Variants in FAM131B observed in about 807,000 individuals in gnomAD.
FAM131B encodes the protein family with sequence similarity 131 member B.
In FAM131B, 19 loss-of-function variants were observed where a neutral mutation model predicts 42.0. The observed-to-expected ratio is 0.45, with a 90% CI of 0.32 to 0.66. The LOEUF is 0.66. FAM131B is among the 30% of genes least tolerant of loss of function. The pLI is 0.05. For missense variants in FAM131B, 370 were observed against 468.4 expected (o/e 0.79, Z 1.94); for synonymous variants, 183 against 177.6 (o/e 1.03, Z -0.24).
upstream of FAM131B, among the ~76,000 whole-genome samples, chr7:143,367,666 C>T (rs920356949): frequency 2.6e-5 from 4 of 152,036 alleles, no homozygotes. Flanking sequence ...TATCACGCCA[C>T]TATACTCTAG....
chr7:143,376,465 T>G, the FAM131B span, among the ~76,000 whole-genome samples: 1 of 152,218 alleles, frequency 6.6e-6, no homozygotes, highest in Admixed American at 6.5e-5. Context: ...GATGCTCTGA[T>G]GTCAGCTTCC....
At chr7:143,378,063 C>G in the FAM131B span, among the ~76,000 whole-genome samples, 2 of 152,200 alleles carry the variant, frequency 1.3e-5, no homozygotes, top group Admixed American at 6.5e-5. Context: ...AAACAATATT[C>G]TAAGCATTCT....
At chr7:143,381,379 C>T in the FAM131B span, 1 of 1,177,132 alleles carries the variant, frequency 8.5e-7, no homozygotes, top group Non-Finnish European at 1.1e-6. Flanking sequence ...AGGCGGCCAC[C>T]CGAGACGCGG....
At chr7:143,380,224 A>G in the FAM131B span, 1 of 964,796 alleles carries the variant, frequency 1.0e-6, no homozygotes. This position sits in a 1 kb window ranked among gnomAD's most constrained non-coding sequence, Gnocchi z 5.0. Flanking sequence ...GAAGTTTCCC[A>G]GTGCAATTAA....
Position 143,362,127 on chromosome 7 carries a change from T to A in FAM131B, c.28+449A>T. ...ATGGAGGCGGCGGCGGGGGGTGGCGTGGGGGGCGTGCGAAAGAAACTCGGG... is the reference window on the plus strand; with the variant it reads ...ATGGAGGCGGCGGCGGGGGGTGGCGAGGGGGGCGTGCGAAAGAAACTCGGG... On this transcript the variant is annotated intron_variant, in intron 1 of 6. Transcript: ENST00000443739. This position sits in a 1 kb window ranked among gnomAD's most constrained non-coding sequence, Gnocchi z 7.7. 1.5e-6 allele frequency: 1 copy of A among 674,266 alleles called. No individual in the cohort carries two copies. Among genetic ancestry groups the A allele is most frequent in the Non-Finnish European group, 1.8e-6 (1 of 550,566 alleles). 41.8% of individuals were successfully genotyped at this position (674,266 alleles called of 1,614,324 possible). A position where few individuals can be genotyped will look rare whatever the true frequency, so the allele number is the denominator to read the frequency against.
chr7:143,371,101 C>T, the FAM131B span, among the ~76,000 whole-genome samples: 1 of 152,120 alleles, frequency 6.6e-6, no homozygotes, highest in African/African-American at 2.4e-5. Flanking sequence ...TTCATTCATT[C>T]CATATTACAG....
At chr7:143,375,332 G>A in the FAM131B span, among the ~76,000 whole-genome samples, 13 of 152,162 alleles carry the variant, frequency 8.5e-5, no homozygotes, top group South Asian at 2.1e-4. Flanking sequence ...TGAATGGCAC[G>A]ACTGTCTTCT....
Position 143,355,658 on chromosome 7 carries a change from C to T in FAM131B, c.*892G>A, listed in dbSNP as rs1030671287. The T allele has an allele frequency of 6.6e-6, 1 of 152,652 alleles. No homozygotes were observed. The highest frequency in any genetic ancestry group is 1.5e-5 in the Non-Finnish European group (1 of 68,040). 9.5% of individuals were successfully genotyped at this position (152,652 alleles called of 1,614,324 possible). On this transcript the variant is annotated 3_prime_UTR_variant, in exon 7 of 7. Coordinates refer to ENST00000443739, the MANE Select transcript of FAM131B (RefSeq NM_001031690.3). The surrounding 1 kb of genome is among the most constrained non-coding windows in gnomAD (Gnocchi z 4.1). ...TGCTGTTGGCGACACCTGCATCCTG[C>T]GTTGGTGTATCCAAGATGGGTGTCC...
chr7:143,354,230 T>G lies in FAM131B; in HGVS notation c.*2320A>C, dbSNP rs1233966885. 1 of 152,528 alleles carries G rather than the reference T, an allele frequency of 6.6e-6. No homozygotes were observed. The highest frequency in any genetic ancestry group is 1.5e-5 in the Non-Finnish European group (1 of 68,074). The allele number at this position is 152,528 out of a possible 1,614,324, so 9.4% of individuals were successfully genotyped here. On this transcript the variant is annotated 3_prime_UTR_variant, in exon 7 of 7. Transcript: ENST00000443739. ...ACCCTGGGGAAAGCAGGTTCATGTA[T>G]GAACCCTGCTAGAGTCCTTCAGATC...
In FAM131B at chr7:143,358,888, G is replaced by T; in HGVS notation, c.405C>A (p.Arg135=). The change falls in exon 5 of 7, where the codon CGC becomes CGA. Residue 135 remains arginine (R), a synonymous_variant. Coordinates refer to ENST00000443739, the MANE Select transcript of FAM131B (RefSeq NM_001031690.3). The surrounding 1 kb of genome is among the most constrained non-coding windows in gnomAD (Gnocchi z 4.7). Reference sequence around the variant, plus strand: ...GGTCGGAGTAGGCATCCGTATCCCTGCGCACGGACTCATGGCTGTGTTGTG... The same window carrying T: ...GGTCGGAGTAGGCATCCGTATCCCTTCGCACGGACTCATGGCTGTGTTGTG... The part of the protein sequence containing the change: ...VQPQHSHESV[R]RDTDAYSDLS... The T allele has an allele frequency of 1.9e-6, 3 of 1,614,120 alleles. No individual in the cohort carries two copies. Among genetic ancestry groups the T allele is most frequent in the African/African-American group, 2.7e-5 (2 of 75,040 alleles).
chr7:143,359,510 G>T lies in FAM131B; in HGVS notation c.175-91C>A. ...GGAGGTTCATGGTTTCCAGGAAAAA[G>T]CATTCGAGCTAGGGCAGATGATAAG... is the stretch of plus-strand genomic sequence containing the variant. On this transcript the variant is annotated intron_variant, in intron 3 of 6. Transcript: ENST00000443739. The surrounding 1 kb of genome is among the most constrained non-coding windows in gnomAD (Gnocchi z 5.4). The T allele has an allele frequency of 9.2e-7, 1 of 1,090,624 alleles. No homozygotes were observed. Among genetic ancestry groups the T allele is most frequent in the Non-Finnish European group, 1.4e-6 (1 of 719,154 alleles). The allele number at this position is 1,090,624 out of a possible 1,614,324, so 67.6% of individuals were successfully genotyped here. A position where few individuals can be genotyped will look rare whatever the true frequency, so the allele number is the denominator to read the frequency against.
chr7:143,372,078 G>A, the FAM131B span, among the ~76,000 whole-genome samples: 18 of 152,364 alleles, frequency 1.2e-4, no homozygotes, highest in East Asian at 3.5e-3. Flanking sequence ...AGCCTTCTGA[G>A]AGAGTCAGAG....
Position 143,362,285 on chromosome 7 carries a change from G to A in FAM131B, c.28+291C>T, listed in dbSNP as rs1368525471. On this transcript the variant is annotated intron_variant, in intron 1 of 6. Transcript: ENST00000443739. This position sits in a 1 kb window ranked among gnomAD's most constrained non-coding sequence, Gnocchi z 7.7. ...ATGAGGGGACCGAGCGTCGGGCCGA[G>A]AGGCAGAGGAGAGGAGGGCGATGGA... Among the ~76,000 whole-genome samples, 1 of 152,140 alleles carries A rather than the reference G, an allele frequency of 6.6e-6. No individual in the cohort carries two copies. Among genetic ancestry groups the A allele is most frequent in the East Asian group, 1.9e-4 (1 of 5,154 alleles).
Position 143,358,896 on chromosome 7 carries a change from A to G in FAM131B, c.397T>C (p.Ser133Pro). The G allele has an allele frequency of 1.9e-6, 3 of 1,613,924 alleles. No individual in the cohort carries two copies. Among genetic ancestry groups the G allele is most frequent in the Non-Finnish European group, 1.7e-6 (2 of 1,179,998 alleles). ...TAGGCATCCGTATCCCTGCGCACGG[A>G]CTCATGGCTGTGTTGTGGCTGAACA... Reference protein sequence around the residue: ...PAVQPQHSHESVRRDTDAYSD... With the variant: ...PAVQPQHSHEPVRRDTDAYSD... Residue 133 changes from serine (S) to proline (P), a missense_variant, in exon 5 of 7, where the codon TCC becomes CCC. Ser to Pro is a moderately conservative substitution (Grantham distance 74). Coordinates refer to ENST00000443739, the MANE Select transcript of FAM131B (RefSeq NM_001031690.3). The surrounding 1 kb of genome is among the most constrained non-coding windows in gnomAD (Gnocchi z 4.7).
chr7:143,371,598 C>T, the FAM131B span, among the ~76,000 whole-genome samples: 6 of 130,122 alleles, frequency 4.6e-5, no homozygotes, highest in East Asian at 8.9e-4. Flanking sequence ...TGGGCAACAC[C>T]GCAAGACCCT....
At chr7:143,361,951 T>C in intron 1 of FAM131B, 1 of 550,646 alleles carries the variant, frequency 1.8e-6, no homozygotes, top group Non-Finnish European at 2.3e-6. Flanking sequence ...CACCCGGCCC[T>C]GGCCCTGTCC....
In FAM131B at chr7:143,357,323, G is replaced by A. The variant is rs752649447; in HGVS notation, c.567C>T (p.Gly189=). ...CCTGGTAGTTGTCACTGTAGTTGCAGCCCAATGGCTCCTGGGTGGAGTTCA... is the reference window on the plus strand; with the variant it reads ...CCTGGTAGTTGTCACTGTAGTTGCAACCCAATGGCTCCTGGGTGGAGTTCA... ...MSVNSTQEPL[G]CNYSDNYQEL... is the part of the protein sequence containing the mutation. The change falls in exon 6 of 7, where the codon GGC becomes GGT. Residue 189 remains glycine (G), a synonymous_variant. Transcript: ENST00000443739. 71 of 1,613,998 alleles carry A rather than the reference G, an allele frequency of 4.4e-5. No individual in the cohort carries two copies. The East Asian group carries it at 1.6e-3, about 35-fold the overall frequency.
the FAM131B span, among the ~76,000 whole-genome samples, chr7:143,368,167 G>T: frequency 1.3e-5 from 2 of 152,204 alleles, no homozygotes; most frequent in Non-Finnish European, 2.9e-5. Flanking sequence ...AAGCAGCAGC[G>T]ACCAGGCAGG....
chr7:143,364,590 A>G (rs1804137084), upstream of FAM131B, among the ~76,000 whole-genome samples: 1 of 152,184 alleles, frequency 6.6e-6, no homozygotes, highest in Non-Finnish European at 1.5e-5. Context: ...ATTTAACATG[A>G]GGGATTCCAG....
Sources: allele counts gnomAD v4.1 joint callset (sites outside exome capture counted in the v4.1 genomes callset), GRCh38; gene constraint gnomAD v4.1.1; non-coding constraint Gnocchi (gnomAD v3.1); transcripts MANE v1.5; gene names NCBI Gene and HGNC (gene_info 2026-07-23, HGNC 2026-07-21).